The following SBNO2 variants were observed in gnomAD, a reference collection of about 807,000 sequenced individuals.
SBNO2 encodes the protein strawberry notch homolog 2.
In SBNO2, 89 loss-of-function variants were observed where a neutral mutation model predicts 146.3. The observed-to-expected ratio is 0.61, with a 90% CI of 0.51 to 0.73. The LOEUF (loss-of-function observed/expected upper bound fraction) is 0.73. Among genes scored for constraint, SBNO2 ranks in the 30% least tolerant of loss-of-function variants. The pLI, the probability that SBNO2 is intolerant of heterozygous loss-of-function variation, is 0.00. For missense variants in SBNO2, 2,092 were observed against 2,003.7 expected, an observed-to-expected ratio of 1.04 and a Z score of -0.84; for synonymous variants, 1,147 against 892.6, an observed-to-expected ratio of 1.29 and a Z score of -5.08.
intron 17 of SBNO2, 42 bp from the exon 18 acceptor site, chr19:1,114,464 AGGT>A: frequency 2.7e-6 from 4 of 1,455,850 alleles, no homozygotes; most frequent in Non-Finnish European, 2.7e-6. Flanking sequence ...GACCGCAGCA[AGGT>A]GGAGGAGCAG....
Position 1,126,072 on chromosome 19 carries a change from GGGTGA to G in SBNO2, c.441+1527_441+1531del. ...CCCTTGAACTCCAACGTCCTGAGAC[GGGTGA>G]GGTTTCCGCCCAAGCCTGCCTGAGC... On this transcript the variant is annotated intron_variant, in intron 5 of 31. Transcript: ENST00000361757. This position sits in a 1 kb window ranked among gnomAD's most constrained non-coding sequence, Gnocchi z 4.4. Among the ~76,000 whole-genome samples the G allele has an allele frequency of 6.6e-6, 1 of 152,186 alleles. No individual in the cohort carries two copies. Among genetic ancestry groups the G allele is most frequent in the Non-Finnish European group, 1.5e-5 (1 of 68,038 alleles).
rs1284853686 is a variant in SBNO2, at chr19:1,112,749, G to A, written c.2379+69C>T. 28 of 1,496,850 alleles carry A rather than the reference G, an allele frequency of 1.9e-5. No individual in the cohort carries two copies. In the East Asian group the frequency reaches 4.5e-4, roughly 24 times the overall value. The allele number at this position is 1,496,850 out of a possible 1,614,324, so 92.7% of individuals were successfully genotyped here. ...AGAAGTGCGCGGGTCCACAGTCCCCGGGGACCCTTGGGCCCCTCTGTGCCT... is the reference window on the plus strand; with the variant it reads ...AGAAGTGCGCGGGTCCACAGTCCCCAGGGACCCTTGGGCCCCTCTGTGCCT... On this transcript the variant is annotated intron_variant, in intron 20 of 31. Coordinates refer to ENST00000361757, the MANE Select transcript of SBNO2 (RefSeq NM_014963.3). The surrounding 1 kb of genome is among the most constrained non-coding windows in gnomAD (Gnocchi z 5.9).
Position 1,149,419 on chromosome 19 carries a change from G to A in SBNO2, c.117C>T (p.Tyr39=), listed in dbSNP as rs2080222442. The change falls in exon 3 of 32, where the codon TAC becomes TAT. Residue 39 remains tyrosine (Y), a synonymous_variant. Coordinates refer to ENST00000361757, the MANE Select transcript of SBNO2 (RefSeq NM_014963.3). ...ATGGCGGCAGCGAGAAGGTGTTCCA[G>A]TAGGGGCAGTGCAGCATGGCGCTCT... is the stretch of plus-strand genomic sequence containing the variant. ...PLQSAMLHCP[Y]WNTFSLPPYP... is the part of the protein sequence containing the mutation. The A allele has an allele frequency of 6.4e-7, 1 of 1,552,190 alleles. No homozygotes were observed. The highest frequency in any genetic ancestry group is 8.7e-7 in the Non-Finnish European group (1 of 1,148,188).
Position 1,109,465 on chromosome 19 carries a change from C to A in SBNO2, c.3216+41G>T, listed in dbSNP as rs994806366. On this transcript the variant is annotated intron_variant, in intron 28 of 31. Coordinates refer to ENST00000361757, the MANE Select transcript of SBNO2 (RefSeq NM_014963.3). This position sits in a 1 kb window ranked among gnomAD's most constrained non-coding sequence, Gnocchi z 4.2. The stretch of plus-strand genomic sequence containing the variant: ...TGAGGCCGCGCCCCGGTCCGCCCCC[C>A]GCGGGCCCTCCTCTGGGGGGGTAAC... 4.5e-6 allele frequency: 7 copies of A among 1,567,736 alleles called. No homozygotes were observed. In the Admixed American group the frequency reaches 5.7e-5, roughly 13 times the overall value.
At chr19:1,124,600 G>GT (rs1294632937) in intron 5 of SBNO2, among the ~76,000 whole-genome samples, 1 of 152,206 alleles carries the variant, frequency 6.6e-6, no homozygotes, top group Admixed American at 6.5e-5. Flanking sequence ...ACCCCCGTGG[G>GT]TGCAGTCCCT....
intron 24 of SBNO2, 118 bp downstream of exon 24, chr19:1,111,388 T>G (rs1161944409): frequency 3.9e-6 from 3 of 770,454 alleles, no homozygotes; most frequent in Non-Finnish European, 6.5e-6. Context: ...TGTCCGTGTG[T>G]GGGGAGGGGT....
chr19:1,114,334 C>G lies in SBNO2; in HGVS notation c.1974G>C (p.Glu658Asp). 1 of 1,557,006 alleles carries G rather than the reference C, an allele frequency of 6.4e-7. No individual in the cohort carries two copies. Among genetic ancestry groups the G allele is most frequent in the South Asian group, 1.2e-5 (1 of 84,398 alleles). ...VIRISDDSST[E>D]SDPGLDSDFN... ...AGTCGCTGTCCAGGCCAGGGTCCGA[C>G]TCCGTGCTGCTGTCGTCACTGATGC... is the stretch of plus-strand genomic sequence containing the variant. The change falls in exon 18 of 32, where the codon GAG becomes GAC. Residue 658 changes from glutamate to aspartate, a missense_variant. Coordinates refer to ENST00000361757, the MANE Select transcript of SBNO2 (RefSeq NM_014963.3).
chr19:1,112,944 G>C lies in SBNO2; in HGVS notation c.2253C>G (p.Thr751=), dbSNP rs7249065. The part of the protein sequence containing the change: ...LGGPQRVAEM[T]GRKGRVVSRP... ...TGGACACCACGCGGCCTTTCCTGCC[G>C]GTCATCTGCAGCCGAGACAGGGACA... is the stretch of plus-strand genomic sequence containing the variant. Residue 751 remains threonine, a synonymous_variant, in exon 20 of 32, where the codon ACC becomes ACG. Transcript: ENST00000361757. The surrounding 1 kb of genome is among the most constrained non-coding windows in gnomAD (Gnocchi z 5.9). 73,860 of 1,562,444 alleles carry C rather than the reference G, an allele frequency of 0.047. 3,220 individuals carry two copies. Among genetic ancestry groups the C allele is most frequent in the East Asian group, 0.24 (10,119 of 41,786 alleles).
chr19:1,147,441 GGGAGGT>G, intron 3 of SBNO2, 21 bp from the exon 4 acceptor site: 2 of 1,203,570 alleles, frequency 1.7e-6, no homozygotes, highest in Non-Finnish European at 1.2e-6. Flanking sequence ...ATGGGGGGGG[GGGAGGT>G]GAGATGGGGT....
At chr19:1,113,948 C>T (rs1336532295) in intron 18 of SBNO2, among the ~76,000 whole-genome samples, 1 of 152,222 alleles carries the variant, frequency 6.6e-6, no homozygotes, top group Non-Finnish European at 1.5e-5. Context: ...ACTGCCTCCA[C>T]AGGGGTAGGG....
At chr19:1,123,222 T>C (rs539741955) in intron 7 of SBNO2, among the ~76,000 whole-genome samples, 177 bp from the exon 8 acceptor site, 3 of 149,642 alleles carry the variant, frequency 2.0e-5, no homozygotes, top group South Asian at 4.3e-4. Flanking sequence ...GGTGGAGGAG[T>C]GGTCAGGGCT....
chr19:1,152,153 C>T (rs56101311), intron 2 of SBNO2, among the ~76,000 whole-genome samples: 16,851 of 152,230 alleles, frequency 0.11, 2,781 homozygotes, highest in African/African-American at 0.36. Context: ...GGGTGCGCCC[C>T]GGCCTGAGCC....
Position 1,122,128 on chromosome 19 carries a change from C to T in SBNO2, c.1149+11G>A. On this transcript the variant is annotated intron_variant, in intron 11 of 31. Transcript: ENST00000361757. ...CCAGCCCTCCCCTCCCGATTGCCCC[C>T]AGCAGGATACGACGCCCTCGAAGGC... The T allele has an allele frequency of 7.0e-7, 1 of 1,422,780 alleles. No individual in the cohort carries two copies. Among genetic ancestry groups the T allele is most frequent in the Non-Finnish European group, 9.2e-7 (1 of 1,081,548 alleles). 88.1% of individuals were successfully genotyped at this position (1,422,780 alleles called of 1,614,324 possible). A position where few individuals can be genotyped will look rare whatever the true frequency, so the allele number is the denominator to read the frequency against.
chr19:1,113,408 C>A, intron 19 of SBNO2, 127 bp downstream of exon 19: 2 of 904,180 alleles, frequency 2.2e-6, no homozygotes, highest in South Asian at 3.6e-5. Context: ...CAAACGCCCC[C>A]TCCTCGCAGG....
intron 1 of SBNO2, among the ~76,000 whole-genome samples, chr19:1,166,615 GCGCACACACACACA>G (rs1568649666): frequency 2.0e-5 from 2 of 98,328 alleles, no homozygotes; most frequent in South Asian, 3.1e-4. Context: ...GCAACTGCAC[GCGCACACACACACA>G]CACACACACA....
At chr19:1,170,195 G>C (rs962844633) in intron 1 of SBNO2, among the ~76,000 whole-genome samples, 12 of 152,170 alleles carry the variant, frequency 7.9e-5, no homozygotes, top group Non-Finnish European at 1.5e-4. Flanking sequence ...AGAGCTGATG[G>C]GGCCCACGCA....
In SBNO2 at chr19:1,110,599, C is replaced by T; in HGVS notation, c.3028+146G>A. The T allele has an allele frequency of 1.0e-6, 1 of 977,816 alleles. No homozygotes were observed. The highest frequency in any genetic ancestry group is 1.4e-6 in the Non-Finnish European group (1 of 712,936). The allele number at this position is 977,816 out of a possible 1,614,324, so 60.6% of individuals were successfully genotyped here. A position where few individuals can be genotyped will look rare whatever the true frequency, so the allele number is the denominator to read the frequency against. ...GCGTTCCCACGAGCCCCTCGCCCAC[C>T]CGGGATGCACGGTGTTCCCACGAGC... is the stretch of plus-strand genomic sequence containing the variant. On this transcript the variant is annotated intron_variant, in intron 26 of 31. Transcript: ENST00000361757. This position sits in a 1 kb window ranked among gnomAD's most constrained non-coding sequence, Gnocchi z 4.9.
chr19:1,124,114 A>C (rs1326627666), intron 5 of SBNO2, 92 bp from the exon 6 acceptor site: 2 of 1,210,966 alleles, frequency 1.7e-6, no homozygotes, highest in East Asian at 5.0e-5. Flanking sequence ...GAGGCTCCCC[A>C]CTGCCCCGTC....
At chr19:1,121,540 C>A (rs931606775) in intron 11 of SBNO2, among the ~76,000 whole-genome samples, 3 of 152,242 alleles carry the variant, frequency 2.0e-5, no homozygotes, top group South Asian at 2.1e-4. Context: ...ACCCAAGGTG[C>A]ACCCTGCAGG....
Sources: gnomAD v4.1 joint callset for allele counts (sites outside exome capture counted in the v4.1 genomes callset) on GRCh38, gnomAD v4.1.1 for gene constraint, Gnocchi (gnomAD v3.1) non-coding constraint, MANE v1.5 for transcripts, NCBI Gene and HGNC (gene_info 2026-07-23, HGNC 2026-07-21) for gene names.